Variants in CAMK2D observed in about 807,000 individuals in gnomAD.
The protein encoded by CAMK2D is calcium/calmodulin dependent protein kinase II delta, also known as calcium/calmodulin-dependent protein kinase type II subunit delta.
A neutral mutation model predicts 84.0 loss-of-function variants in CAMK2D; 37 were observed. The ratio of observed to expected loss-of-function variants is 0.44; its 90% CI spans 0.34 to 0.58. The LOEUF is 0.58. Ranked by LOEUF, CAMK2D falls within the 20% of genes least tolerant of loss-of-function variation. CAMK2D has a pLI of 0.02. For missense variants in CAMK2D, 448 were observed against 652.5 expected (o/e 0.69, Z 3.41); for synonymous variants, 202 against 212.5 (o/e 0.95, Z 0.43).
chr4:113,517,028 ATAT>A (rs1158854627), intron 9 of CAMK2D, among the ~76,000 whole-genome samples: 4 of 151,740 alleles, frequency 2.6e-5, no homozygotes, highest in African/African-American at 9.7e-5. Context: ...TAAATTAAAT[ATAT>A]TATTAGAATT....
chr4:113,603,023 A>G (rs867806027), intron 4 of CAMK2D, among the ~76,000 whole-genome samples: 1 of 152,158 alleles, frequency 6.6e-6, no homozygotes, highest in African/African-American at 2.4e-5. Flanking sequence ...CTTGGGGACT[A>G]CAATCTAGCT....
chr4:113,649,774 T>C (rs572778185), intron 3 of CAMK2D, among the ~76,000 whole-genome samples: 41 of 152,306 alleles, frequency 2.7e-4, no homozygotes, highest in African/African-American at 9.4e-4. Flanking sequence ...TCAATCAAGC[T>C]TAACCATTAG....
chr4:113,502,228 T>C (rs550953925), intron 15 of CAMK2D, among the ~76,000 whole-genome samples: 1 of 152,254 alleles, frequency 6.6e-6, no homozygotes, highest in African/African-American at 2.4e-5. Flanking sequence ...TGCTGTTATT[T>C]AGTTAACATG....
chr4:113,524,037 T>A (rs374568369), intron 8 of CAMK2D, among the ~76,000 whole-genome samples: 1 of 152,112 alleles, frequency 6.6e-6, no homozygotes, highest in South Asian at 2.1e-4. Context: ...GCCCGGCTAA[T>A]TTTTTCTGTT....
intron 3 of CAMK2D, among the ~76,000 whole-genome samples, chr4:113,635,567 T>C (rs1262997458): frequency 6.6e-6 from 1 of 152,208 alleles, no homozygotes; most frequent in Non-Finnish European, 1.5e-5. Context: ...TACAAGTCCA[T>C]TGTACTTGAA....
At chr4:113,723,619 C>T (rs1383961005) in intron 2 of CAMK2D, among the ~76,000 whole-genome samples, 1 of 151,892 alleles carries the variant, frequency 6.6e-6, no homozygotes, top group Non-Finnish European at 1.5e-5. Flanking sequence ...GGCTAACTGG[C>T]CAGTGTTGAA....
chr4:113,663,637 ATATACT>A (rs2099245627), intron 2 of CAMK2D, among the ~76,000 whole-genome samples: 1 of 148,746 alleles, frequency 6.7e-6, no homozygotes, highest in South Asian at 2.1e-4. Flanking sequence ...CATGAAAGAC[ATATACT>A]TAAACAGAGA....
At chr4:113,459,097 A>G (rs1297360985) in intron 18 of CAMK2D, among the ~76,000 whole-genome samples, 2 of 152,124 alleles carry the variant, frequency 1.3e-5, no homozygotes, top group East Asian at 3.9e-4. Flanking sequence ...TTATCTGATT[A>G]CTCACCTTCA....
chr4:113,723,580 G>C (rs1160585080), intron 2 of CAMK2D, among the ~76,000 whole-genome samples: 1 of 152,112 alleles, frequency 6.6e-6, no homozygotes, highest in African/African-American at 2.4e-5. Flanking sequence ...AATCAGTGAG[G>C]TTTCACGCTA....
At chr4:113,456,798 A>G (rs2154100523) in intron 19 of CAMK2D, 1 of 153,660 alleles carries the variant, frequency 6.5e-6, no homozygotes, top group Admixed American at 6.5e-5. Flanking sequence ...GTGATTCACA[A>G]TAAATATGTG....
chr4:113,758,327 A>C (rs1165494035), intron 2 of CAMK2D, among the ~76,000 whole-genome samples: 1 of 152,184 alleles, frequency 6.6e-6, no homozygotes, highest in Non-Finnish European at 1.5e-5. Flanking sequence ...ATGCATGTTA[A>C]AAGTAGAATT....
chr4:113,504,905 C>G (rs2098109512), intron 14 of CAMK2D, 71 bp downstream of exon 14: 1 of 668,062 alleles, frequency 1.5e-6, no homozygotes, highest in East Asian at 3.2e-5. Flanking sequence ...ATAGTGAAAG[C>G]AAATGAGAGA....
intron 4 of CAMK2D, among the ~76,000 whole-genome samples, chr4:113,583,914 T>C (rs1328177992): frequency 6.6e-6 from 1 of 152,206 alleles, no homozygotes; most frequent in Non-Finnish European, 1.5e-5. Context: ...TTGAAATGCC[T>C]GAGTGAAGGC....
At chr4:113,644,794 T>C (rs1429909155) in intron 3 of CAMK2D, among the ~76,000 whole-genome samples, 1 of 152,052 alleles carries the variant, frequency 6.6e-6, no homozygotes, top group Non-Finnish European at 1.5e-5. Context: ...ATTCAGAATC[T>C]ACAAAGTGGC....
intron 6 of CAMK2D, among the ~76,000 whole-genome samples, chr4:113,540,217 T>G (rs1383631563): frequency 6.6e-6 from 1 of 152,126 alleles, no homozygotes; most frequent in African/African-American, 2.4e-5. Context: ...ACTACAAAAT[T>G]TTGTTGACAA....
Position 113,487,272 on chromosome 4 carries a change from A to C in CAMK2D, c.1135+13191T>G, listed in dbSNP as rs192928699. ...AGACCTAATTCCTCCTGACCAAATCAAGGGGGTTATAGCAGAAATCCATAG... is the reference window on the plus strand; with the variant it reads ...AGACCTAATTCCTCCTGACCAAATCCAGGGGGTTATAGCAGAAATCCATAG... On this transcript the variant is annotated intron_variant, in intron 16 of 20. Coordinates refer to ENST00000511664, the MANE Select transcript of CAMK2D (RefSeq NM_001321571.2). Among the ~76,000 whole-genome samples the C allele has an allele frequency of 1.1e-4, 17 of 152,248 alleles. No individual in the cohort carries two copies. In the East Asian group the frequency reaches 2.9e-3, roughly 26 times the overall value.
chr4:113,487,020 G>GAA (rs1360185872), intron 16 of CAMK2D, among the ~76,000 whole-genome samples: 1 of 152,156 alleles, frequency 6.6e-6, no homozygotes, highest in East Asian at 1.9e-4. Flanking sequence ...GCACTAAATT[G>GAA]AAAAGTGAAA....
intron 16 of CAMK2D, among the ~76,000 whole-genome samples, chr4:113,473,616 C>T (rs1019436809): frequency 2.6e-5 from 4 of 152,080 alleles, no homozygotes; most frequent in Non-Finnish European, 5.9e-5. Flanking sequence ...CCTTTAATTA[C>T]TAGAGGCTTT....
chr4:113,523,303 G>A (rs749881770), intron 8 of CAMK2D, among the ~76,000 whole-genome samples: 4 of 152,044 alleles, frequency 2.6e-5, no homozygotes, highest in Non-Finnish European at 4.4e-5. Flanking sequence ...AATTAGCTGT[G>A]GTAGTATTGC....
Sources: gnomAD v4.1 joint callset for allele counts (sites outside exome capture counted in the v4.1 genomes callset) on GRCh38, gnomAD v4.1.1 for gene constraint, MANE v1.5 for transcripts, NCBI Gene and HGNC (gene_info 2026-07-23, HGNC 2026-07-21) for gene names.